IQGAP1: variants seen among roughly 807,000 people sequenced by gnomAD.
IQGAP1 encodes ras GTPase-activating-like protein IQGAP1.
A neutral mutation model predicts 215.6 loss-of-function variants in IQGAP1; 66 were observed. The ratio of observed to expected loss-of-function variants is 0.31; its 90% CI spans 0.25 to 0.38. IQGAP1 has a LOEUF of 0.38. Ranked by LOEUF, IQGAP1 falls within the 10% of genes least tolerant of loss-of-function variation. The pLI, the probability that IQGAP1 is intolerant of heterozygous loss-of-function variation, is 1.00. For synonymous variants in IQGAP1, 772 were observed against 728.7 expected, an observed-to-expected ratio of 1.06 and a Z score of -0.96; for missense variants, 1,712 against 1,997.1, an observed-to-expected ratio of 0.86 and a Z score of 2.72.
chr15:90,491,716 T>G (rs1025552962), intron 34 of IQGAP1, 171 bp downstream of exon 34: 16 of 606,606 alleles, frequency 2.6e-5, no homozygotes, highest in Middle Eastern at 4.3e-4. Flanking sequence ...CGACCTGAGG[T>G]GGCTTATTCC....
At chr15:90,414,955 T>C (rs1270978579) in intron 2 of IQGAP1, among the ~76,000 whole-genome samples, 1 of 152,218 alleles carries the variant, frequency 6.6e-6, no homozygotes, top group Non-Finnish European at 1.5e-5. Flanking sequence ...CACCAAATCA[T>C]CTTTTAAAAA....
In IQGAP1 at chr15:90,454,440, G is replaced by A. The variant is rs764741473; in HGVS notation, c.1500G>A (p.Glu500=). Residue 500 remains glutamate, a synonymous_variant, in exon 14 of 38, where the codon GAG becomes GAA. Transcript: ENST00000268182. The part of the protein sequence containing the change: ...EEENCQRYLD[E]LMKLKAQAHA... Reference sequence around the variant, plus strand: ...GGGTCTGGGGCAGGTATCTCGATGAGTTGATGAAACTGAAGGCTCAGGCAC... The same window carrying A: ...GGGTCTGGGGCAGGTATCTCGATGAATTGATGAAACTGAAGGCTCAGGCAC... The A allele has an allele frequency of 6.2e-7, 1 of 1,613,634 alleles. No homozygotes were observed.
At chr15:90,433,935 C>T (rs140848354) in intron 5 of IQGAP1, 140 bp downstream of exon 5, 249 of 466,422 alleles carry the variant, frequency 5.3e-4, no homozygotes, top group Middle Eastern at 3.9e-3. Context: ...TACTATTATC[C>T]GAACAAAATG....
intron 2 of IQGAP1, among the ~76,000 whole-genome samples, chr15:90,408,677 T>G (rs1247398814): frequency 6.6e-6 from 1 of 152,220 alleles, no homozygotes; most frequent in African/African-American, 2.4e-5. Context: ...TGGGCATCCC[T>G]GTCTCTACCT....
rs1382888497 is a variant in IQGAP1 at position 90,500,232 on chromosome 15, T to A, written c.*124T>A. The A allele has an allele frequency of 1.6e-6, 1 of 607,582 alleles. No individual in the cohort carries two copies. Among genetic ancestry groups the A allele is most frequent in the East Asian group, 2.8e-5 (1 of 36,236 alleles). 37.6% of individuals were successfully genotyped at this position (607,582 alleles called of 1,614,324 possible). The stretch of plus-strand genomic sequence containing the variant: ...ACAACAGCACCTCAATCTGATACAC[T>A]CCCGATGCCACATTTTTAACTCCTC... On this transcript the variant is annotated 3_prime_UTR_variant, in exon 38 of 38. Transcript: ENST00000268182.
chr15:90,490,099 A>T (rs773580711), intron 33 of IQGAP1, among the ~76,000 whole-genome samples: 1 of 152,182 alleles, frequency 6.6e-6, no homozygotes, highest in African/African-American at 2.4e-5. Context: ...TGCTCCAGTT[A>T]GGGGGAATTA....
At chr15:90,441,468 G>C (rs1965448210) in intron 7 of IQGAP1, 38 bp from the exon 8 acceptor site, 1 of 1,544,172 alleles carries the variant, frequency 6.5e-7, no homozygotes, top group East Asian at 2.2e-5. Flanking sequence ...TATAATCTCA[G>C]TGTTTTTGTT....
intron 15 of IQGAP1, among the ~76,000 whole-genome samples, chr15:90,460,108 A>G (rs1437268978): frequency 6.7e-6 from 1 of 148,360 alleles, no homozygotes; most frequent in African/African-American, 2.5e-5. Flanking sequence ...CTTGGATCTC[A>G]CACAAGAAAG....
chr15:90,426,082 T>G lies in IQGAP1; in HGVS notation c.156-28T>G, dbSNP rs1965217466. On this transcript the variant is annotated intron_variant, in intron 2 of 37. Transcript: ENST00000268182. ...GAAAAGTTCTGACCTTCCCTTTCTT[T>G]TTTTGCATCCTCTCTCCTTTGGTGC... 4.4e-6 allele frequency: 7 copies of G among 1,576,646 alleles called. No homozygotes were observed. The East Asian group carries it at 1.6e-4, about 36-fold the overall frequency.
At chr15:90,475,434 G>T (rs1281530536) in intron 23 of IQGAP1, among the ~76,000 whole-genome samples, 1 of 151,958 alleles carries the variant, frequency 6.6e-6, no homozygotes, top group Non-Finnish European at 1.5e-5. Context: ...ACCATGCCCG[G>T]CCATCATAAG....
At chr15:90,486,505 A>T (rs1248739198) in intron 31 of IQGAP1, 1 of 203,324 alleles carries the variant, frequency 4.9e-6, no homozygotes, top group East Asian at 1.4e-4. Flanking sequence ...ACAGTGGTGC[A>T]GTCATAGCTC....
chr15:90,480,217 T>G, intron 26 of IQGAP1, among the ~76,000 whole-genome samples: 1 of 116,226 alleles, frequency 8.6e-6, no homozygotes, highest in South Asian at 2.6e-4. Context: ...AGACCCCATA[T>G]CTTAAAAAAA....
chr15:90,388,835 C>A (rs1406658375), intron 1 of IQGAP1, among the ~76,000 whole-genome samples: 1 of 152,186 alleles, frequency 6.6e-6, no homozygotes, highest in Non-Finnish European at 1.5e-5. Context: ...AGACCAGGGT[C>A]CAGACCTGTC....
chr15:90,500,981 G>C lies in IQGAP1; in HGVS notation c.*873G>C, dbSNP rs924014053. 3.3e-5 allele frequency: 5 copies of C among 152,632 alleles called. No homozygotes were observed. The highest frequency in any genetic ancestry group is 4.8e-5 in the African/African-American group (2 of 41,442). 9.5% of individuals were successfully genotyped at this position (152,632 alleles called of 1,614,324 possible). On this transcript the variant is annotated 3_prime_UTR_variant, in exon 38 of 38. Coordinates refer to ENST00000268182, the MANE Select transcript of IQGAP1 (RefSeq NM_003870.4). ...TTTTTAAAACTGTTTTATATCTTAA[G>C]AGTGCCTTATTAAAGTATAGATGTA...
chr15:90,483,292 G>T (rs1966083787), intron 28 of IQGAP1, 69 bp from the exon 29 acceptor site: 7 of 1,193,468 alleles, frequency 5.9e-6, no homozygotes, highest in Non-Finnish European at 8.6e-6. Flanking sequence ...TTCTTTGCTA[G>T]CAAAGTCATT....
intron 26 of IQGAP1, among the ~76,000 whole-genome samples, 200 bp from the exon 27 acceptor site, chr15:90,481,760 C>G (rs1053796228): frequency 6.6e-6 from 1 of 152,216 alleles, no homozygotes; most frequent in African/African-American, 2.4e-5. Flanking sequence ...GTTATTGTGC[C>G]TGGCACACAA....
chr15:90,396,137 T>C (rs995411142), intron 2 of IQGAP1, among the ~76,000 whole-genome samples: 5 of 152,212 alleles, frequency 3.3e-5, no homozygotes, highest in Non-Finnish European at 7.3e-5. Context: ...TGGAAAGAAA[T>C]TAGTTCTTGG....
chr15:90,471,777 G>A (rs931193259), intron 18 of IQGAP1, among the ~76,000 whole-genome samples: 3 of 152,020 alleles, frequency 2.0e-5, no homozygotes, highest in Non-Finnish European at 2.9e-5. Flanking sequence ...TGGGATTACA[G>A]GCGTGAGCCA....
At chr15:90,429,714 C>A in intron 4 of IQGAP1, 48 bp downstream of exon 4, 1 of 1,248,826 alleles carries the variant, frequency 8.0e-7, no homozygotes, top group Non-Finnish European at 1.1e-6. Context: ...GCTGTTGTGG[C>A]ATAACCCTCA....
Sources: gnomAD v4.1 joint callset for allele counts (sites outside exome capture counted in the v4.1 genomes callset) on GRCh38, gnomAD v4.1.1 for gene constraint, MANE v1.5 for transcripts, NCBI Gene and HGNC (gene_info 2026-07-23, HGNC 2026-07-21) for gene names.